ICOS: variants seen among roughly 807,000 people sequenced by gnomAD.
The protein encoded by ICOS is inducible T-cell costimulator.
Under a neutral mutation model 24.6 loss-of-function variants are expected in ICOS, and 15 were observed. The observed-to-expected ratio is 0.61, with a 90% CI of 0.41 to 0.94. The LOEUF (loss-of-function observed/expected upper bound fraction) is 0.94. Among genes scored for constraint, ICOS ranks in the 40% least tolerant of loss-of-function variants. ICOS has a pLI of 0.00. For missense variants in ICOS, 200 were observed against 233.0 expected, an observed-to-expected ratio of 0.86 and a Z score of 0.92; for synonymous variants, 89 against 77.5, an observed-to-expected ratio of 1.15 and a Z score of -0.78.
chr2:203,954,013 C>A (rs773941958), intron 1 of ICOS, among the ~76,000 whole-genome samples: 5 of 152,040 alleles, frequency 3.3e-5, no homozygotes, highest in African/African-American at 1.2e-4. Flanking sequence ...TTTACACTTA[C>A]ATAGTTTTCT....
chr2:203,945,050 TTG>T (rs10578138), intron 1 of ICOS, among the ~76,000 whole-genome samples: 97,721 of 151,892 alleles, frequency 0.64, 34,493 homozygotes, highest in South Asian at 0.78. Flanking sequence ...TGAAAGCATT[TTG>T]TGTCAAGCCA....
At position 203,957,834 on chromosome 2, in the gene ICOS, A is replaced by T; in HGVS notation, c.537A>T (p.Glu179Asp). ...YSSSVHDPNG[E>D]YMFMRAVNTA... ...CCAGTGTGCACGACCCTAACGGTGA[A>T]TACATGTTCATGAGAGCAGTGAACA... Residue 179 changes from glutamate to aspartate, a missense_variant, in exon 4 of 5, where the codon GAA becomes GAT. Glu to Asp is a conservative substitution (Grantham distance 45). Transcript: ENST00000316386. 6.2e-7 allele frequency: 1 copy of T among 1,613,586 alleles called. No homozygotes were observed. Among genetic ancestry groups the T allele is most frequent in the African/African-American group, 1.3e-5 (1 of 75,036 alleles).
intron 3 of ICOS, among the ~76,000 whole-genome samples, chr2:203,957,398 A>T (rs961284197): frequency 5.9e-5 from 9 of 152,200 alleles, no homozygotes; most frequent in Non-Finnish European, 1.0e-4. Flanking sequence ...GGTCTCTTGC[A>T]TTACAGGTTC....
chr2:203,956,613 T>C, intron 2 of ICOS, 46 bp from the exon 3 acceptor site: 1 of 1,273,846 alleles, frequency 7.9e-7, no homozygotes, highest in East Asian at 2.3e-5. Flanking sequence ...AGAGAACTTG[T>C]GGTTCAGCAG....
intron 1 of ICOS, among the ~76,000 whole-genome samples, chr2:203,953,082 A>G (rs1690013109): frequency 6.6e-6 from 1 of 152,170 alleles, no homozygotes. Context: ...TGAAGTCCAG[A>G]AGATTTTTCT....
At chr2:203,956,102 T>C (rs1690074958) in intron 2 of ICOS, 131 bp downstream of exon 2, 1 of 644,468 alleles carries the variant, frequency 1.6e-6, no homozygotes, top group African/African-American at 1.8e-5. Context: ...TTGATGGTAA[T>C]CATTTATAAT....
chr2:203,957,734 C>G, intron 3 of ICOS, 65 bp from the exon 4 acceptor site: 1 of 1,199,382 alleles, frequency 8.3e-7, no homozygotes, highest in South Asian at 1.2e-5. Flanking sequence ...GAATAGAAAA[C>G]AGTCAAAAAA....
intron 1 of ICOS, among the ~76,000 whole-genome samples, chr2:203,945,776 G>A (rs1204591059): frequency 2.6e-5 from 4 of 152,166 alleles, no homozygotes; most frequent in Admixed American, 2.0e-4. Flanking sequence ...CATTTATGCA[G>A]CGCATGACTG....
chr2:203,941,850 G>T (rs114338631), intron 1 of ICOS, among the ~76,000 whole-genome samples: 141 of 152,224 alleles, frequency 9.3e-4, no homozygotes, highest in Non-Finnish European at 1.3e-3. Context: ...GTCAAGAAAT[G>T]ATTTTTTTTT....
At chr2:203,940,920 A>G (rs1417787185) in intron 1 of ICOS, among the ~76,000 whole-genome samples, 1 of 152,060 alleles carries the variant, frequency 6.6e-6, no homozygotes, top group Admixed American at 6.6e-5. Flanking sequence ...AGTAGGTGAG[A>G]CTACAGGCAC....
chr2:203,956,015 G>A (rs1300477583), intron 2 of ICOS, 44 bp downstream of exon 2: 1 of 1,385,416 alleles, frequency 7.2e-7, no homozygotes, highest in Non-Finnish European at 1.0e-6. Flanking sequence ...GTATATATAT[G>A]TTTTGACAAC....
intron 1 of ICOS, among the ~76,000 whole-genome samples, chr2:203,951,440 G>A (rs1214229298): frequency 5.9e-5 from 9 of 152,110 alleles, no homozygotes; most frequent in Non-Finnish European, 1.0e-4. Context: ...TTCATTTCAC[G>A]GATGAGGAGG....
rs1490408854 is a variant in ICOS, at chr2:203,940,915, G to C, written c.58+4043G>C. Among the ~76,000 whole-genome samples the C allele has an allele frequency of 2.6e-5, 4 of 151,836 alleles. No individual in the cohort carries two copies. The East Asian group carries it at 7.7e-4, about 29-fold the overall frequency. ...TCTCCTGCCTCAGCCTCCCAAGTAGGTGAGACTACAGGCACCCGCCACCAC... is the reference window on the plus strand; with the variant it reads ...TCTCCTGCCTCAGCCTCCCAAGTAGCTGAGACTACAGGCACCCGCCACCAC... On this transcript the variant is annotated intron_variant, in intron 1 of 4. Coordinates refer to ENST00000316386, the MANE Select transcript of ICOS (RefSeq NM_012092.4).
intron 1 of ICOS, among the ~76,000 whole-genome samples, chr2:203,945,531 G>A (rs972950058): frequency 1.3e-5 from 2 of 152,118 alleles, no homozygotes; most frequent in African/African-American, 2.4e-5. Flanking sequence ...GCGTACTGAC[G>A]CAATGATGTC....
chr2:203,952,001 C>G (rs1206177721), intron 1 of ICOS, among the ~76,000 whole-genome samples: 1 of 151,980 alleles, frequency 6.6e-6, no homozygotes, highest in East Asian at 1.9e-4. Context: ...TATTATTTTC[C>G]TTCTGTATGC....
In ICOS at chr2:203,952,890, C is replaced by G. The variant is rs543575319; in HGVS notation, c.59-2746C>G. 2.0e-3 allele frequency among the ~76,000 whole-genome samples: 303 copies of G among 151,914 alleles called. 1 individual carries two copies. The highest frequency in any genetic ancestry group is 3.6e-3 in the Non-Finnish European group (242 of 67,948). On this transcript the variant is annotated intron_variant, in intron 1 of 4. Coordinates refer to ENST00000316386, the MANE Select transcript of ICOS (RefSeq NM_012092.4). The stretch of plus-strand genomic sequence containing the variant: ...GTTGTTCCCTTGTTTTCTTGTATGT[C>G]TCATTATTTTTGTGATGTGTTTGCC...
chr2:203,953,564 G>T (rs1246783733), intron 1 of ICOS, among the ~76,000 whole-genome samples: 1 of 152,116 alleles, frequency 6.6e-6, no homozygotes, highest in Non-Finnish European at 1.5e-5. Flanking sequence ...ATAAGTAATT[G>T]TGTATCTTAA....
intron 2 of ICOS, 131 bp downstream of exon 2, chr2:203,956,102 TC>T: frequency 1.6e-6 from 1 of 644,586 alleles, no homozygotes; most frequent in South Asian, 1.9e-5. Flanking sequence ...TTGATGGTAA[TC>T]ATTTATAATG....
At chr2:203,956,531 C>A (rs1690080412) in intron 2 of ICOS, 128 bp from the exon 3 acceptor site, 3 of 722,070 alleles carry the variant, frequency 4.2e-6, no homozygotes, top group South Asian at 1.5e-5. Context: ...TAATAACTTG[C>A]CCACTTACTG....
Sources: allele counts gnomAD v4.1 joint callset (sites outside exome capture counted in the v4.1 genomes callset), GRCh38; gene constraint gnomAD v4.1.1; transcripts MANE v1.5; gene names NCBI Gene and HGNC (gene_info 2026-07-23, HGNC 2026-07-21).